PRKCA: variants seen among roughly 807,000 people sequenced by gnomAD.
The protein encoded by PRKCA is protein kinase C alpha.
In PRKCA, 27 loss-of-function variants were observed where a neutral mutation model predicts 87.0. That is an observed-to-expected ratio of 0.31 (90% CI 0.23 to 0.43). PRKCA has a LOEUF of 0.43. Ranked by LOEUF, PRKCA falls within the 20% of genes least tolerant of loss-of-function variation. The probability of loss-of-function intolerance (pLI) is 1.00; values close to 1 mark genes in which losing one functional copy is unlikely to be tolerated. For synonymous variants in PRKCA, 329 were observed against 311.1 expected (o/e 1.06, Z -0.61); for missense variants, 518 against 852.3 (o/e 0.61, Z 4.88).
intron 3 of PRKCA, among the ~76,000 whole-genome samples, chr17:66,605,144 T>G (rs949108600): frequency 1.3e-5 from 2 of 152,210 alleles, no homozygotes; most frequent in Non-Finnish European, 2.9e-5. Context: ...CTGCATTGTT[T>G]TATTCCAAGC....
chr17:66,414,957 T>C (rs1912048854), intron 2 of PRKCA: 1 of 151,996 alleles, frequency 6.6e-6, no homozygotes, highest in Admixed American at 6.6e-5. Flanking sequence ...AATGAAAATA[T>C]ACTTAAATGT....
rs548930399 is a variant in PRKCA at position 66,496,408 on chromosome 17, G to A, written c.288+125G>A. On this transcript the variant is annotated intron_variant, in intron 3 of 16. Coordinates refer to ENST00000413366, the MANE Select transcript of PRKCA (RefSeq NM_002737.3). ...TGGGAAGACTCAATTCTCATAGAGCGTTGGCTTGTAGTAATGAGCAGATTT... is the reference window on the plus strand; with the variant it reads ...TGGGAAGACTCAATTCTCATAGAGCATTGGCTTGTAGTAATGAGCAGATTT... 1.6e-4 allele frequency: 123 copies of A among 769,520 alleles called. No individual in the cohort carries two copies. In the East Asian group the frequency reaches 2.9e-3, roughly 18 times the overall value. The allele number at this position is 769,520 out of a possible 1,614,324, so 47.7% of individuals were successfully genotyped here.
chr17:66,605,375 G>A (rs529185839), intron 3 of PRKCA, among the ~76,000 whole-genome samples: 1 of 152,260 alleles, frequency 6.6e-6, no homozygotes, highest in South Asian at 2.1e-4. Context: ...TACACCATAT[G>A]TCTCATAAAA....
chr17:66,384,100 A>AAT (rs1164265415), intron 2 of PRKCA, among the ~76,000 whole-genome samples: 1 of 151,992 alleles, frequency 6.6e-6, no homozygotes, highest in Non-Finnish European at 1.5e-5. Context: ...ATATATGTAG[A>AAT]ATATATATAT....
intron 2 of PRKCA, among the ~76,000 whole-genome samples, chr17:66,393,919 C>A (rs1910515206): frequency 6.6e-6 from 1 of 151,952 alleles, no homozygotes; most frequent in African/African-American, 2.4e-5. Flanking sequence ...ACTAAAAATC[C>A]AAAAATTGGC....
intron 2 of PRKCA, among the ~76,000 whole-genome samples, chr17:66,309,642 A>G (rs1904994091): frequency 6.6e-6 from 1 of 152,332 alleles, no homozygotes; most frequent in East Asian, 1.9e-4. Context: ...TCAGAGATAA[A>G]GACAAGCGTG....
At chr17:66,677,075 T>TTTTATTCATTTATTTA (rs1555634535) in intron 5 of PRKCA, 1 of 144,486 alleles carries the variant, frequency 6.9e-6, no homozygotes, top group Admixed American at 6.9e-5. Context: ...CACAGCTTAT[T>TTTTATTCATTTATTTA]TTTATTTATT....
intron 2 of PRKCA, among the ~76,000 whole-genome samples, chr17:66,396,566 G>A (rs1002404258): frequency 1.3e-5 from 2 of 149,566 alleles, no homozygotes; most frequent in Admixed American, 6.6e-5. Context: ...ATTTTTTCAA[G>A]AATTTAGCTT....
At chr17:66,667,147 C>T (rs1343121275) in intron 5 of PRKCA, among the ~76,000 whole-genome samples, 1 of 152,176 alleles carries the variant, frequency 6.6e-6, no homozygotes, top group African/African-American at 2.4e-5. Flanking sequence ...CCTCTGCCAC[C>T]TTTTAAATCC....
chr17:66,589,495 T>C lies in PRKCA; in HGVS notation c.289-51860T>C, dbSNP rs544273594. On this transcript the variant is annotated intron_variant, in intron 3 of 16. Transcript: ENST00000413366. The stretch of plus-strand genomic sequence containing the variant: ...GAAGATTTTAAAACATCTTTTTTGT[T>C]GGATATGTGGCTGATTTCCATTTTT... 3.7e-4 allele frequency among the ~76,000 whole-genome samples: 57 copies of C among 152,314 alleles called. 1 individual carries two copies. The South Asian group carries it at 0.011, about 30-fold the overall frequency.
chr17:66,336,105 T>G (rs944545160), intron 2 of PRKCA, among the ~76,000 whole-genome samples: 1 of 151,862 alleles, frequency 6.6e-6, no homozygotes, highest in African/African-American at 2.4e-5. Flanking sequence ...ATGACTTCTG[T>G]TTTTTTTCCA....
intron 15 of PRKCA, among the ~76,000 whole-genome samples, chr17:66,787,329 G>T (rs775771247): frequency 6.6e-6 from 1 of 151,820 alleles, no homozygotes; most frequent in Non-Finnish European, 1.5e-5. Flanking sequence ...CATTCTACTG[G>T]GCAGGGCACA....
At chr17:66,511,148 C>A (rs1917211126) in intron 3 of PRKCA, among the ~76,000 whole-genome samples, 1 of 152,184 alleles carries the variant, frequency 6.6e-6, no homozygotes, top group South Asian at 2.1e-4. Context: ...TTCCAAGTCC[C>A]AAGCCTATTC....
chr17:66,768,356 G>A (rs1974857653), intron 13 of PRKCA, among the ~76,000 whole-genome samples: 1 of 151,904 alleles, frequency 6.6e-6, no homozygotes, highest in African/African-American at 2.4e-5. Context: ...CGAGCTACTG[G>A]GATTACAGGC....
At chr17:66,528,766 A>T (rs79463747) in intron 3 of PRKCA, among the ~76,000 whole-genome samples, 2 of 152,256 alleles carry the variant, frequency 1.3e-5, no homozygotes, top group African/African-American at 2.4e-5. Context: ...AATATGGCAC[A>T]TAAGACTGGA....
intron 8 of PRKCA, among the ~76,000 whole-genome samples, chr17:66,702,680 C>T (rs117768712): frequency 0.01 from 1,549 of 152,196 alleles, 11 homozygotes; most frequent in Middle Eastern, 0.014. Flanking sequence ...CATTGTATAC[C>T]TTAAACAATG....
chr17:66,422,729 C>G (rs1425549076), intron 2 of PRKCA, among the ~76,000 whole-genome samples: 1 of 152,166 alleles, frequency 6.6e-6, no homozygotes. Flanking sequence ...CCGTGACACT[C>G]TTATTTTTAA....
chr17:66,595,430 T>C (rs1055157814), intron 3 of PRKCA, among the ~76,000 whole-genome samples: 16 of 151,188 alleles, frequency 1.1e-4, no homozygotes, highest in Non-Finnish European at 1.8e-4. Context: ...CTTAGGTATA[T>C]TTGCAAAAAC....
chr17:66,348,443 A>G (rs562979368), intron 2 of PRKCA, among the ~76,000 whole-genome samples: 1 of 152,296 alleles, frequency 6.6e-6, no homozygotes, highest in South Asian at 2.1e-4. Flanking sequence ...CGTCAACACA[A>G]GGAAAAAGGC....
Sources: allele counts gnomAD v4.1 joint callset (sites outside exome capture counted in the v4.1 genomes callset), GRCh38; gene constraint gnomAD v4.1.1; transcripts MANE v1.5; gene names NCBI Gene and HGNC (gene_info 2026-07-23, HGNC 2026-07-21).